ZBBX: variants seen among roughly 807,000 people sequenced by gnomAD.
The protein encoded by ZBBX is zinc finger B-box domain-containing protein 1.
In ZBBX, 101 loss-of-function variants were observed where a neutral mutation model predicts 108.5. The observed-to-expected ratio is 0.93, with a 90% CI of 0.79 to 1.10. ZBBX has a LOEUF of 1.10. ZBBX is among the 50% of genes least tolerant of loss of function. ZBBX has a pLI of 0.00. For synonymous variants in ZBBX, 356 were observed against 323.4 expected, an observed-to-expected ratio of 1.10 and a Z score of -1.08; for missense variants, 1,009 against 941.4, an observed-to-expected ratio of 1.07 and a Z score of -0.94.
chr3:167,343,805 T>A (rs941500302), intron 9 of ZBBX, among the ~76,000 whole-genome samples: 8 of 151,902 alleles, frequency 5.3e-5, no homozygotes, highest in Admixed American at 2.0e-4. Context: ...TGAAAAACAG[T>A]CTTGCAGTTC....
At chr3:167,326,621 C>CA (rs34133389) in intron 11 of ZBBX, among the ~76,000 whole-genome samples, 72 of 144,798 alleles carry the variant, frequency 5.0e-4, no homozygotes, top group East Asian at 3.2e-3. Context: ...GTTGACAAGT[C>CA]AAAAAAAAAA....
intron 19 of ZBBX, among the ~76,000 whole-genome samples, chr3:167,287,451 T>C (rs1000819176): frequency 6.6e-6 from 1 of 152,120 alleles, no homozygotes; most frequent in African/African-American, 2.4e-5. Context: ...TCCCAGGTGA[T>C]TATGCCCACA....
Position 167,241,007 on chromosome 3 carries a change from G to C in ZBBX, c.2394-88C>G, listed in dbSNP as rs909121245. ...CTTCTGATCAATACTACATATGTTG[G>C]AGTTGCTGGAGGCAAGCAGATGTGA... On this transcript the variant is annotated intron_variant, in intron 21 of 21. Transcript: ENST00000675490. 2.7e-6 allele frequency: 4 copies of C among 1,458,654 alleles called. No individual in the cohort carries two copies. The African/African-American group carries it at 5.7e-5, about 21-fold the overall frequency. 90.4% of individuals were successfully genotyped at this position (1,458,654 alleles called of 1,614,324 possible). A position where few individuals can be genotyped will look rare whatever the true frequency, so the allele number is the denominator to read the frequency against.
rs1337590706 is a variant in ZBBX at position 167,317,615 on chromosome 3, A to C, written c.984-18T>G. 1 of 1,542,542 alleles carries C rather than the reference A, an allele frequency of 6.5e-7. No individual in the cohort carries two copies. Among genetic ancestry groups the C allele is most frequent in the Admixed American group, 1.8e-5 (1 of 54,718 alleles). On this transcript the variant is annotated intron_variant, in intron 12 of 21. Coordinates refer to ENST00000675490, the MANE Select transcript of ZBBX (RefSeq NM_001199201.2). ...GTGGAGTTCTACAAAATAAGAAAGA[A>C]GCAATTAAGAGACTGAAATATATTA...
the ZBBX span, among the ~76,000 whole-genome samples, chr3:167,223,866 T>C: frequency 6.6e-6 from 1 of 152,002 alleles, no homozygotes; most frequent in Non-Finnish European, 1.5e-5. Flanking sequence ...ACATATAAAC[T>C]GTGCAGCATT....
Position 167,282,252 on chromosome 3 carries a change from A to T in ZBBX, c.2240T>A (p.Leu747Gln). 2 of 1,611,874 alleles carry T rather than the reference A, an allele frequency of 1.2e-6. No individual in the cohort carries two copies. Among genetic ancestry groups the T allele is most frequent in the Admixed American group, 3.4e-5 (2 of 59,642 alleles). ...AATAGGATTACCTGCAAGAGATCTC[A>T]GCACTTGTAATTCTTTTTCCAAATT... ...LDNLEKELQV[L>Q]RSLADTSEKL... The change falls in exon 20 of 22, where the codon CTG becomes CAG. Residue 747 changes from leucine to glutamine, a missense_variant. Coordinates refer to ENST00000675490, the MANE Select transcript of ZBBX (RefSeq NM_001199201.2).
At position 167,352,918 on chromosome 3, in the gene ZBBX, C is replaced by T. The variant is rs538380133; in HGVS notation, c.433-2403G>A. ...TGCAGAAAAAGCATTTGATAACATT[C>T]AGCATCACTCCATGATAAAAACCCT... is the stretch of plus-strand genomic sequence containing the variant. On this transcript the variant is annotated intron_variant, in intron 8 of 21. Transcript: ENST00000675490. Among the ~76,000 whole-genome samples the T allele has an allele frequency of 2.6e-5, 4 of 152,224 alleles. No individual in the cohort carries two copies. The East Asian group carries it at 7.7e-4, about 29-fold the overall frequency.
chr3:167,347,662 T>C (rs1741712007), intron 9 of ZBBX, among the ~76,000 whole-genome samples: 3 of 152,046 alleles, frequency 2.0e-5, no homozygotes, highest in Non-Finnish European at 4.4e-5. Context: ...GGTGAAATAA[T>C]GTTATAAAAA....
At chr3:167,239,518 A>T (rs537255895), downstream of ZBBX, among the ~76,000 whole-genome samples, 1 of 152,108 alleles carries the variant, frequency 6.6e-6, no homozygotes, top group Admixed American at 6.6e-5. Context: ...TACATAATGA[A>T]TATTAAATAT....
rs528184567 is a variant in ZBBX, at chr3:167,305,913, A to T, written c.1455T>A (p.Asp485Glu). The T allele has an allele frequency of 6.0e-5, 95 of 1,581,056 alleles. 1 individual carries two copies. The South Asian group carries it at 9.5e-4, about 16-fold the overall frequency. The change falls in exon 17 of 22, where the codon GAT becomes GAA. Residue 485 changes from aspartate to glutamate, a missense_variant. Asp to Glu is a conservative substitution (Grantham distance 45). Coordinates refer to ENST00000675490, the MANE Select transcript of ZBBX (RefSeq NM_001199201.2). ...CAATGTCAGAAGAATACACATCAGG[A>T]TCCACGATGTTGTCAAAATCTGTGT... ...TSNTDFDNIV[D>E]PDVYSSDIEK... is the part of the protein sequence containing the mutation.
At chr3:167,297,767 T>A (rs1731922913) in intron 18 of ZBBX, among the ~76,000 whole-genome samples, 1 of 151,932 alleles carries the variant, frequency 6.6e-6, no homozygotes, top group African/African-American at 2.4e-5. Flanking sequence ...AAATTACTTA[T>A]TAAGCACATG....
intron 8 of ZBBX, among the ~76,000 whole-genome samples, chr3:167,357,618 T>C (rs574225325): frequency 2.6e-4 from 39 of 152,272 alleles, no homozygotes; most frequent in African/African-American, 8.9e-4. Context: ...TGTCCACTAA[T>C]GGATGAATAG....
chr3:167,183,245 A>G, the ZBBX span, among the ~76,000 whole-genome samples: 2 of 152,170 alleles, frequency 1.3e-5, no homozygotes, highest in Non-Finnish European at 2.9e-5. Context: ...CCAAGGTGGA[A>G]CCAACCAGAG....
At chr3:167,403,742 T>C (rs558908867) in intron 1 of ZBBX, among the ~76,000 whole-genome samples, 2 of 152,174 alleles carry the variant, frequency 1.3e-5, no homozygotes, top group South Asian at 4.1e-4. Flanking sequence ...GTAGGTTAAA[T>C]GTGCATACTT....
intron 12 of ZBBX, among the ~76,000 whole-genome samples, chr3:167,319,442 TAG>T: frequency 6.6e-6 from 1 of 151,924 alleles, no homozygotes; most frequent in Non-Finnish European, 1.5e-5. Flanking sequence ...GGTACTGTGG[TAG>T]ACACATGACT....
intron 10 of ZBBX, among the ~76,000 whole-genome samples, chr3:167,330,168 G>C (rs1215497150): frequency 6.6e-6 from 1 of 152,046 alleles, no homozygotes; most frequent in Non-Finnish European, 1.5e-5. Context: ...AAGGTTGTAG[G>C]ATGTACTTAT....
chr3:167,280,900 C>A (rs1416222551), intron 20 of ZBBX, among the ~76,000 whole-genome samples: 1 of 151,936 alleles, frequency 6.6e-6, no homozygotes, highest in Admixed American at 6.6e-5. Context: ...GTGGCACATA[C>A]ACACCATGGA....
chr3:167,395,900 A>T (rs1748220752), intron 1 of ZBBX, among the ~76,000 whole-genome samples: 1 of 152,014 alleles, frequency 6.6e-6, no homozygotes, highest in African/African-American at 2.4e-5. Flanking sequence ...TCTGCATGAC[A>T]TATATGGAAC....
intron 20 of ZBBX, among the ~76,000 whole-genome samples, chr3:167,256,595 TCCACC>T (rs1278347370): frequency 1.5e-5 from 2 of 132,406 alleles, no homozygotes; most frequent in Admixed American, 7.7e-5. Flanking sequence ...CCATCCCACC[TCCACC>T]CCACCCCACC....
Sources: gnomAD v4.1 joint callset for allele counts (sites outside exome capture counted in the v4.1 genomes callset) on GRCh38, gnomAD v4.1.1 for gene constraint, MANE v1.5 for transcripts, NCBI Gene and HGNC (gene_info 2026-07-23, HGNC 2026-07-21) for gene names.